The following SPATA17 variants were observed in gnomAD, a reference collection of about 807,000 sequenced individuals.
SPATA17 encodes spermatogenesis associated 17.
Under a neutral mutation model 62.2 loss-of-function variants are expected in SPATA17, and 53 were observed. The observed-to-expected ratio is 0.85, with a 90% CI of 0.68 to 1.07. SPATA17 has a LOEUF of 1.07. SPATA17 is among the 50% of genes least tolerant of loss of function. SPATA17 has a pLI of 0.00. For synonymous variants in SPATA17, 146 were observed against 146.8 expected (o/e 0.99, Z 0.04); for missense variants, 466 against 425.5 (o/e 1.10, Z -0.84).
At chr1:217,821,141 C>A (rs1166675074) in intron 9 of SPATA17, among the ~76,000 whole-genome samples, 1 of 152,080 alleles carries the variant, frequency 6.6e-6, no homozygotes, top group East Asian at 1.9e-4. Flanking sequence ...ATCCAAACAC[C>A]TCCCAGTAGG....
rs143890773 is a variant in SPATA17, at chr1:217,658,582, G to C, written c.240+7404G>C. Among the ~76,000 whole-genome samples, 210 of 152,038 alleles carry C rather than the reference G, an allele frequency of 1.4e-3. 4 individuals carry two copies. The highest frequency in any genetic ancestry group is 0.011 in the East Asian group (59 of 5,150). On this transcript the variant is annotated intron_variant, in intron 3 of 10. Coordinates refer to ENST00000366933, the MANE Select transcript of SPATA17 (RefSeq NM_138796.4). Reference sequence around the variant, plus strand: ...GACCATCCTGGTTAACATGGTGATAGCCCGTCTCTACTAAGAACACAAAAA... The same window carrying C: ...GACCATCCTGGTTAACATGGTGATACCCCGTCTCTACTAAGAACACAAAAA...
intron 9 of SPATA17, among the ~76,000 whole-genome samples, chr1:217,807,216 C>CATA (rs1169586108): frequency 2.3e-5 from 3 of 131,216 alleles, no homozygotes; most frequent in African/African-American, 8.4e-5. Flanking sequence ...TACACATGGA[C>CATA]ATAAAGATGG....
chr1:217,850,386 T>A, intron 9 of SPATA17: 1 of 1,009,156 alleles, frequency 9.9e-7, no homozygotes, highest in Non-Finnish European at 1.5e-6. Context: ...GCACTGCAAA[T>A]GCAAGACTGA....
chr1:217,854,302 G>A (rs1475395270), intron 9 of SPATA17, among the ~76,000 whole-genome samples: 1 of 152,050 alleles, frequency 6.6e-6, no homozygotes, highest in African/African-American at 2.4e-5. Flanking sequence ...TTGATTTTGA[G>A]GTTACAAATA....
intron 9 of SPATA17, among the ~76,000 whole-genome samples, chr1:217,839,236 A>G (rs1227593962): frequency 1.3e-5 from 2 of 152,074 alleles, no homozygotes; most frequent in African/African-American, 4.8e-5. Context: ...GTTAACAGAG[A>G]CTAGAGAAGC....
At chr1:217,814,913 T>C (rs1054139071) in intron 9 of SPATA17, among the ~76,000 whole-genome samples, 4 of 152,166 alleles carry the variant, frequency 2.6e-5, no homozygotes, top group African/African-American at 9.7e-5. Flanking sequence ...CTTCTCTGCA[T>C]TGTTACTCAT....
chr1:217,680,523 T>A (rs531235861), intron 4 of SPATA17, among the ~76,000 whole-genome samples: 32 of 152,346 alleles, frequency 2.1e-4, no homozygotes, highest in East Asian at 1.2e-3. Flanking sequence ...TTTTAGAATT[T>A]TTTTTTAAAG....
In SPATA17 at chr1:217,801,827, C is replaced by T. The variant is rs773234605; in HGVS notation, c.982C>T (p.Pro328Ser). ...CAAAGAACAATTCCGAAGTGAAAAT[C>T]CTAAGAAATGGATCTGTGACAAGGT... The part of the protein sequence containing the change: ...SYKEQFRSEN[P>S]KKWICDKDFQ... The change falls in exon 9 of 11, where the codon CCT (proline) becomes TCT (serine). Residue 328 changes from proline (P) to serine (S), a missense_variant. Physicochemically the swap from Pro to Ser is moderately conservative, Grantham distance 74 (BLOSUM62 -1). Transcript: ENST00000366933. 1 of 1,608,428 alleles carries T rather than the reference C, an allele frequency of 6.2e-7. No individual in the cohort carries two copies. The highest frequency in any genetic ancestry group is 8.5e-7 in the Non-Finnish European group (1 of 1,178,226).
intron 9 of SPATA17, among the ~76,000 whole-genome samples, chr1:217,823,570 C>T (rs1425687151): frequency 6.6e-6 from 1 of 151,888 alleles, no homozygotes; most frequent in Non-Finnish European, 1.5e-5. Flanking sequence ...CTTGTACTTC[C>T]TTGTCAATTC....
At chr1:217,669,140 T>C in intron 4 of SPATA17, 57 bp downstream of exon 4, 2 of 1,507,896 alleles carry the variant, frequency 1.3e-6, no homozygotes, top group African/African-American at 1.4e-5. Flanking sequence ...CTGAATTCGC[T>C]TTTAATAAAA....
intron 3 of SPATA17, among the ~76,000 whole-genome samples, chr1:217,654,609 T>C (rs1053447975): frequency 6.6e-6 from 1 of 152,224 alleles, no homozygotes; most frequent in African/African-American, 2.4e-5. Flanking sequence ...TTTCCTCTTC[T>C]CTGTATACAT....
intron 5 of SPATA17, among the ~76,000 whole-genome samples, chr1:217,716,542 A>C (rs1189420241): frequency 6.6e-6 from 1 of 152,246 alleles, no homozygotes; most frequent in African/African-American, 2.4e-5. Flanking sequence ...TTGCTGATAA[A>C]ATATTCCTCT....
intron 5 of SPATA17, among the ~76,000 whole-genome samples, chr1:217,697,224 G>A (rs1417033310): frequency 6.6e-6 from 1 of 152,072 alleles, no homozygotes; most frequent in Non-Finnish European, 1.5e-5. Context: ...CAGGTGATCC[G>A]ACTGCCTCGG....
chr1:217,861,285 T>C (rs185334420), intron 9 of SPATA17, among the ~76,000 whole-genome samples: 3 of 151,728 alleles, frequency 2.0e-5, no homozygotes, highest in Admixed American at 1.3e-4. Context: ...TATTTCTTTA[T>C]GTAGAGCTGA....
chr1:217,850,670 GC>G, intron 9 of SPATA17: 2 of 1,506,046 alleles, frequency 1.3e-6, no homozygotes, highest in Non-Finnish European at 1.8e-6. Flanking sequence ...GCTGCGAATC[GC>G]CAGTCATGTC....
chr1:217,746,987 A>G (rs1327819217), intron 6 of SPATA17, among the ~76,000 whole-genome samples: 1 of 152,024 alleles, frequency 6.6e-6, no homozygotes, highest in African/African-American at 2.4e-5. Flanking sequence ...AGTCAATTAT[A>G]TTTCCCAGAA....
chr1:217,756,206 C>T (rs1401218135), intron 6 of SPATA17, among the ~76,000 whole-genome samples: 1 of 151,656 alleles, frequency 6.6e-6, no homozygotes, highest in Non-Finnish European at 1.5e-5. Flanking sequence ...TATTTTAATT[C>T]CAATTATTCA....
intron 9 of SPATA17, among the ~76,000 whole-genome samples, chr1:217,837,472 C>T (rs945376912): frequency 1.3e-5 from 2 of 151,992 alleles, no homozygotes; most frequent in African/African-American, 4.8e-5. Context: ...TGTTTACTAA[C>T]AGATTTGAAA....
intron 9 of SPATA17, among the ~76,000 whole-genome samples, chr1:217,807,791 A>G (rs1376397650): frequency 1.3e-5 from 2 of 152,206 alleles, no homozygotes; most frequent in African/African-American, 2.4e-5. Flanking sequence ...GAATTGGGAA[A>G]ACATGTCTTA....
Sources: gnomAD v4.1 joint callset for allele counts (sites outside exome capture counted in the v4.1 genomes callset) on GRCh38, gnomAD v4.1.1 for gene constraint, MANE v1.5 for transcripts, NCBI Gene and HGNC (gene_info 2026-07-23, HGNC 2026-07-21) for gene names.